The following LHFPL6 variants were observed in gnomAD, a reference collection of about 807,000 sequenced individuals.
LHFPL6 encodes LHFPL tetraspan subfamily member 6 protein.
LHFPL6 carries 9 observed loss-of-function variants against 20.6 expected under a neutral mutation model. That is an observed-to-expected ratio of 0.44 (90% CI 0.26 to 0.76). The LOEUF is 0.76. LHFPL6 is among the 30% of genes least tolerant of loss of function. The probability of loss-of-function intolerance (pLI) is 0.20; values close to 1 mark genes in which losing one functional copy is unlikely to be tolerated. For synonymous variants in LHFPL6, 105 were observed against 98.7 expected (o/e 1.06, Z -0.38); for missense variants, 218 against 253.5 (o/e 0.86, Z 0.95).
At chr13:39,517,699 A>AT (rs1869972803) in intron 2 of LHFPL6, among the ~76,000 whole-genome samples, 1 of 151,958 alleles carries the variant, frequency 6.6e-6, no homozygotes, top group Admixed American at 6.6e-5. Flanking sequence ...TATTATTATA[A>AT]TTTTTTAAAA....
chr13:39,552,993 T>A (rs1871185786), intron 2 of LHFPL6, among the ~76,000 whole-genome samples: 1 of 152,160 alleles, frequency 6.6e-6, no homozygotes, highest in Admixed American at 6.5e-5. Flanking sequence ...TGGAGGTAAT[T>A]CTGAATAAAA....
In LHFPL6 at chr13:39,517,918, C is replaced by T. The variant is rs78971612; in HGVS notation, c.385+82914G>A. ...GTGGAGATCATTTCCACAACTCCCA[C>T]CTTCTCTGTTCCACCCACCCCCAGC... On this transcript the variant is annotated intron_variant, in intron 2 of 3. Transcript: ENST00000379589. Among the ~76,000 whole-genome samples the T allele has an allele frequency of 1.5e-4, 23 of 152,306 alleles. No individual in the cohort carries two copies. The East Asian group carries it at 3.5e-3, about 23-fold the overall frequency.
intron 2 of LHFPL6, among the ~76,000 whole-genome samples, chr13:39,474,105 A>T (rs1873018478): frequency 6.6e-6 from 1 of 152,216 alleles, no homozygotes; most frequent in African/African-American, 2.4e-5. Flanking sequence ...CACCAAAAGA[A>T]TTCTGACACA....
chr13:39,497,032 T>C (rs555564753), intron 2 of LHFPL6, among the ~76,000 whole-genome samples: 39 of 152,164 alleles, frequency 2.6e-4, no homozygotes, highest in Admixed American at 4.6e-4. Flanking sequence ...ATTGTGGAGC[T>C]AGAAAAACAA....
At chr13:39,441,714 A>G (rs543511883) in intron 2 of LHFPL6, among the ~76,000 whole-genome samples, 3 of 150,654 alleles carry the variant, frequency 2.0e-5, no homozygotes, top group Non-Finnish European at 4.4e-5. Flanking sequence ...GGATTTCAGC[A>G]TGTGTCTCAG....
chr13:39,412,786 G>A (rs996471606), intron 2 of LHFPL6, among the ~76,000 whole-genome samples: 1 of 152,110 alleles, frequency 6.6e-6, no homozygotes, highest in Admixed American at 6.5e-5. Context: ...AGCCAGGTGT[G>A]GTGGCGGGCT....
At chr13:39,398,705 G>A (rs1870905526) in intron 2 of LHFPL6, among the ~76,000 whole-genome samples, 1 of 152,236 alleles carries the variant, frequency 6.6e-6, no homozygotes, top group African/African-American at 2.4e-5. Context: ...TAGGAACAGG[G>A]CCGCAGAGCA....
chr13:39,389,471 G>A (rs1048469930), intron 2 of LHFPL6, among the ~76,000 whole-genome samples: 3 of 152,234 alleles, frequency 2.0e-5, no homozygotes, highest in East Asian at 1.9e-4. Flanking sequence ...GCCTGCTGTA[G>A]AGGAAGGGCC....
At chr13:39,541,820 T>A (rs749304138) in intron 2 of LHFPL6, among the ~76,000 whole-genome samples, 30 of 152,090 alleles carry the variant, frequency 2.0e-4, no homozygotes, top group Admixed American at 5.2e-4. Context: ...CTGGGTGCAG[T>A]GGCTCACGCC....
At chr13:39,387,429 C>T (rs1870591697) in intron 2 of LHFPL6, among the ~76,000 whole-genome samples, 1 of 150,504 alleles carries the variant, frequency 6.6e-6, no homozygotes. Flanking sequence ...CACCTGTAAT[C>T]TCAGCTACTG....
chr13:39,427,048 G>C (rs1871660159), intron 2 of LHFPL6, among the ~76,000 whole-genome samples: 1 of 146,408 alleles, frequency 6.8e-6, no homozygotes, highest in African/African-American at 2.6e-5. Context: ...AATTGCCTTT[G>C]CATCTTTGTA....
At chr13:39,352,023 C>T (rs1013843068) in intron 3 of LHFPL6, among the ~76,000 whole-genome samples, 2 of 152,170 alleles carry the variant, frequency 1.3e-5, no homozygotes, top group Admixed American at 1.3e-4. Context: ...TTTACTTTGA[C>T]AATGCCCATG....
At chr13:39,496,661 G>T (rs543705537) in intron 2 of LHFPL6, among the ~76,000 whole-genome samples, 1 of 152,200 alleles carries the variant, frequency 6.6e-6, no homozygotes, top group Non-Finnish European at 1.5e-5. Flanking sequence ...ATATAAAAGA[G>T]CATGCAGCTT....
intron 2 of LHFPL6, among the ~76,000 whole-genome samples, chr13:39,574,337 C>A (rs896560687): frequency 6.6e-6 from 1 of 152,000 alleles, no homozygotes; most frequent in Non-Finnish European, 1.5e-5. Context: ...AAAAAATTAG[C>A]CAGATGTGGT....
At chr13:39,349,694 T>C (rs1350261529) in intron 3 of LHFPL6, among the ~76,000 whole-genome samples, 1 of 152,236 alleles carries the variant, frequency 6.6e-6, no homozygotes, top group Non-Finnish European at 1.5e-5. Flanking sequence ...ATATTGCAAG[T>C]GATCTACGTA....
At chr13:39,455,319 C>T (rs962654628) in intron 2 of LHFPL6, among the ~76,000 whole-genome samples, 4 of 152,030 alleles carry the variant, frequency 2.6e-5, no homozygotes, top group Non-Finnish European at 5.9e-5. Flanking sequence ...CTGGGTTAGT[C>T]ATGGAAGAAC....
chr13:39,356,078 T>C (rs1869718011), intron 3 of LHFPL6, among the ~76,000 whole-genome samples: 1 of 152,220 alleles, frequency 6.6e-6, no homozygotes, highest in African/African-American at 2.4e-5. Context: ...GCACATTATT[T>C]TCATCTGTGC....
At chr13:39,573,779 A>G (rs563436448) in intron 2 of LHFPL6, among the ~76,000 whole-genome samples, 2 of 152,352 alleles carry the variant, frequency 1.3e-5, no homozygotes, top group East Asian at 3.9e-4. Flanking sequence ...AATATTTATG[A>G]GTAGGCTAAT....
chr13:39,383,336 C>A (rs1244865108), intron 2 of LHFPL6, among the ~76,000 whole-genome samples: 4 of 152,192 alleles, frequency 2.6e-5, no homozygotes, highest in Admixed American at 2.6e-4. Context: ...GAGCACAGGT[C>A]CAAAGAGAAA....
Sources: gnomAD v4.1 joint callset for allele counts (sites outside exome capture counted in the v4.1 genomes callset) on GRCh38, gnomAD v4.1.1 for gene constraint, MANE v1.5 for transcripts, NCBI Gene and HGNC (gene_info 2026-07-23, HGNC 2026-07-21) for gene names.